Variants in DAB1 observed in about 807,000 individuals in gnomAD.
The protein encoded by DAB1 is disabled homolog 1.
DAB1 carries 15 observed loss-of-function variants against 64.6 expected under a neutral mutation model. That is an observed-to-expected ratio of 0.23 (90% CI 0.16 to 0.36). DAB1 has a LOEUF of 0.36. DAB1 is among the 10% of genes least tolerant of loss of function. DAB1 has a pLI of 1.00. For missense variants in DAB1, 596 were observed against 706.7 expected, an observed-to-expected ratio of 0.84 and a Z score of 1.78; for synonymous variants, 235 against 251.9, an observed-to-expected ratio of 0.93 and a Z score of 0.64.
chr1:58,399,426 A>G (rs1167675926), intron 3 of DAB1, among the ~76,000 whole-genome samples: 1 of 152,210 alleles, frequency 6.6e-6, no homozygotes, highest in Non-Finnish European at 1.5e-5. Context: ...TGGCTATCAG[A>G]GTCAGATTAG....
chr1:57,074,673 T>G (rs1351803440), intron 4 of DAB1, among the ~76,000 whole-genome samples: 4 of 152,130 alleles, frequency 2.6e-5, no homozygotes, highest in African/African-American at 9.7e-5. Flanking sequence ...CTCTATGGCT[T>G]CACACTTGCC....
chr1:57,234,576 C>T (rs1303953306), intron 2 of DAB1, among the ~76,000 whole-genome samples: 1 of 151,902 alleles, frequency 6.6e-6, no homozygotes, highest in African/African-American at 2.4e-5. Flanking sequence ...TATTAGTTTC[C>T]TGCTGCCATG....
chr1:57,746,276 G>A (rs2101797481), intron 6 of DAB1, among the ~76,000 whole-genome samples: 1 of 152,246 alleles, frequency 6.6e-6, no homozygotes, highest in East Asian at 1.9e-4. Context: ...TATCCTCAGA[G>A]AGCCAAATTG....
At chr1:57,515,324 T>C (rs1644451440) in intron 7 of DAB1, among the ~76,000 whole-genome samples, 1 of 152,176 alleles carries the variant, frequency 6.6e-6, no homozygotes, top group Non-Finnish European at 1.5e-5. Flanking sequence ...CTGGAATAAT[T>C]TGATTTATTT....
chr1:58,074,568 A>ATATATATATATG (rs1557639014), intron 5 of DAB1: 2 of 31,098 alleles, frequency 6.4e-5, no homozygotes, highest in African/African-American at 1.6e-4. Context: ...ATGTGTGTAT[A>ATATATATATATG]TATATATATA....
At chr1:57,173,487 G>T (rs1358749692) in intron 2 of DAB1, among the ~76,000 whole-genome samples, 1 of 152,104 alleles carries the variant, frequency 6.6e-6, no homozygotes, top group East Asian at 1.9e-4. Flanking sequence ...TTAGACTTGG[G>T]TGCCAGTCAC....
intron 5 of DAB1, among the ~76,000 whole-genome samples, chr1:57,900,864 A>G (rs1013021292): frequency 1.3e-5 from 2 of 152,068 alleles, no homozygotes; most frequent in African/African-American, 4.8e-5. Context: ...TACTGATTCT[A>G]TGGGGGCAGG....
chr1:58,371,189 G>C (rs565185410), intron 3 of DAB1, among the ~76,000 whole-genome samples: 1 of 152,312 alleles, frequency 6.6e-6, no homozygotes, highest in East Asian at 1.9e-4. Context: ...CTGGGCTGAG[G>C]TGGTCTCAGA....
intron 7 of DAB1, among the ~76,000 whole-genome samples, chr1:57,504,668 G>A (rs1644324873): frequency 6.6e-6 from 1 of 152,128 alleles, no homozygotes; most frequent in Non-Finnish European, 1.5e-5. Context: ...TGTGGGCTGG[G>A]CATTGTGACT....
At chr1:57,256,583 C>CTGCTTGT (rs1669779269) in intron 2 of DAB1, among the ~76,000 whole-genome samples, 1 of 86,436 alleles carries the variant, frequency 1.2e-5, no homozygotes, top group Non-Finnish European at 2.5e-5. Context: ...CCTCAGCCTG[C>CTGCTTGT]TCTTACACAT....
intron 2 of DAB1, among the ~76,000 whole-genome samples, chr1:57,173,308 A>G (rs10465835): frequency 0.27 from 41,439 of 152,090 alleles, 9,006 homozygotes; most frequent in African/African-American, 0.61. Context: ...AACTCTTTGC[A>G]CACCAACATG....
intron 3 of DAB1, among the ~76,000 whole-genome samples, chr1:58,438,571 C>T (rs115767217): frequency 6.6e-6 from 1 of 152,264 alleles, no homozygotes; most frequent in Non-Finnish European, 1.5e-5. Context: ...GTTCTGGGAT[C>T]CCTCCTGCTT....
At chr1:57,887,549 A>G (rs1644242674), upstream of DAB1, among the ~76,000 whole-genome samples, 1 of 152,222 alleles carries the variant, frequency 6.6e-6, no homozygotes, top group Non-Finnish European at 1.5e-5. Flanking sequence ...TATGTAAGGA[A>G]GTAGTTGCAT....
intron 5 of DAB1, among the ~76,000 whole-genome samples, chr1:58,095,163 T>G (rs767507144): frequency 1.3e-5 from 2 of 152,104 alleles, no homozygotes; most frequent in Non-Finnish European, 2.9e-5. Context: ...CTTATTCTCA[T>G]CCCCCAGCAC....
chr1:57,026,906 C>T (rs770084526), intron 9 of DAB1, among the ~76,000 whole-genome samples: 10 of 152,142 alleles, frequency 6.6e-5, no homozygotes, highest in South Asian at 2.1e-4. Context: ...GAGTCTATGG[C>T]GTGACTTAAT....
intron 2 of DAB1, among the ~76,000 whole-genome samples, chr1:57,232,444 A>C (rs706379): frequency 0.65 from 97,964 of 151,852 alleles, 32,177 homozygotes; most frequent in East Asian, 0.85. Flanking sequence ...CTACTACCTG[A>C]AGGATATTCT....
chr1:57,040,625 A>T (rs897801237), intron 9 of DAB1, among the ~76,000 whole-genome samples: 7 of 152,200 alleles, frequency 4.6e-5, no homozygotes, highest in African/African-American at 1.7e-4. Context: ...GAACAAACAG[A>T]TATGCACAGG....
At chr1:58,473,554 AAAT>A (rs1490074643) in intron 3 of DAB1, among the ~76,000 whole-genome samples, 3 of 101,654 alleles carry the variant, frequency 3.0e-5, no homozygotes, top group East Asian at 2.2e-4. Flanking sequence ...AAAAATAAAT[AAAT>A]AAATAAATAA....
At chr1:58,460,232 G>A (rs560165733) in intron 3 of DAB1, among the ~76,000 whole-genome samples, 2 of 152,260 alleles carry the variant, frequency 1.3e-5, no homozygotes, top group African/African-American at 4.8e-5. Context: ...CAGACCCAGA[G>A]GGTATTAAGA....
Sources: allele counts gnomAD v4.1 joint callset (sites outside exome capture counted in the v4.1 genomes callset), GRCh38; gene constraint gnomAD v4.1.1; transcripts MANE v1.5; gene names NCBI Gene and HGNC (gene_info 2026-07-23, HGNC 2026-07-21).